Variants in CMTM4 observed in about 807,000 individuals in gnomAD.
CMTM4 encodes CKLF like MARVEL transmembrane domain containing 4.
A neutral mutation model predicts 19.0 loss-of-function variants in CMTM4; 8 were observed. The observed-to-expected ratio is 0.42, with a 90% CI of 0.25 to 0.76. CMTM4 has a LOEUF of 0.76. Among genes scored for constraint, CMTM4 ranks in the 30% least tolerant of loss-of-function variants. The probability of loss-of-function intolerance (pLI) is 0.27; values close to 1 mark genes in which losing one functional copy is unlikely to be tolerated. For synonymous variants in CMTM4, 106 were observed against 121.1 expected, an observed-to-expected ratio of 0.88 and a Z score of 0.82; for missense variants, 228 against 290.2, an observed-to-expected ratio of 0.79 and a Z score of 1.56.
chr16:66,633,701 C>G (rs1017718556), intron 2 of CMTM4, among the ~76,000 whole-genome samples: 14 of 151,726 alleles, frequency 9.2e-5, no homozygotes, highest in African/African-American at 3.4e-4. Flanking sequence ...GCCTGTAATC[C>G]CAGCTACTCA....
At chr16:66,644,197 C>G (rs767324707) in intron 1 of CMTM4, among the ~76,000 whole-genome samples, 3 of 152,198 alleles carry the variant, frequency 2.0e-5, no homozygotes, top group Non-Finnish European at 4.4e-5. Context: ...TTCCAACTCA[C>G]TGAAACAGCA....
Position 66,617,905 on chromosome 16 carries a change from AAAGAC to A in CMTM4, c.*4148_*4152del, listed in dbSNP as rs759749445. The A allele has an allele frequency of 3.0e-5, 30 of 988,464 alleles. No homozygotes were observed. The highest frequency in any genetic ancestry group is 3.4e-5 in the Non-Finnish European group (28 of 832,042). The allele number at this position is 988,464 out of a possible 1,614,324, so 61.2% of individuals were successfully genotyped here. ...GACTGTGGAACGCGAGACAGCTTTC[AAAGAC>A]AAGAGGACAGGAAGGCAGTTAACAA... On this transcript the variant is annotated 3_prime_UTR_variant, in exon 4 of 4. Coordinates refer to ENST00000394106, the MANE Select transcript of CMTM4 (RefSeq NM_181521.3).
In CMTM4 at chr16:66,695,016, T is replaced by G. The variant is rs968937720; in HGVS notation, c.186+1324A>C. Reference sequence around the variant, plus strand: ...TTATTTAAAGGGTATCCACACATTATATTATTCCCAAGGAATGCTTATGCA... The same window carrying G: ...TTATTTAAAGGGTATCCACACATTAGATTATTCCCAAGGAATGCTTATGCA... On this transcript the variant is annotated intron_variant, in intron 1 of 3. Coordinates refer to ENST00000394106, the MANE Select transcript of CMTM4 (RefSeq NM_181521.3). 6.8e-4 allele frequency among the ~76,000 whole-genome samples: 103 copies of G among 152,204 alleles called. 1 individual carries two copies. Among genetic ancestry groups the G allele is most frequent in the African/African-American group, 2.3e-3 (97 of 41,530 alleles).
intron 1 of CMTM4, among the ~76,000 whole-genome samples, chr16:66,689,383 T>G (rs1268588963): frequency 6.6e-6 from 1 of 152,196 alleles, no homozygotes; most frequent in Non-Finnish European, 1.5e-5. Flanking sequence ...TTTTTTTTTC[T>G]GCATCAAATG....
At chr16:66,602,873 T>C in the CMTM4 span, among the ~76,000 whole-genome samples, 1 of 152,142 alleles carries the variant, frequency 6.6e-6, no homozygotes, top group East Asian at 1.9e-4. Flanking sequence ...CCTTAGTACT[T>C]CCCGTTCACT....
intron 1 of CMTM4, among the ~76,000 whole-genome samples, chr16:66,681,533 T>C (rs1169555873): frequency 6.6e-6 from 1 of 152,156 alleles, no homozygotes; most frequent in Non-Finnish European, 1.5e-5. Context: ...ATTGATCTCC[T>C]GACCTTGGGA....
Position 66,621,635 on chromosome 16 carries a change from A to G in CMTM4, c.*423T>C, listed in dbSNP as rs1282049261. 2 of 1,004,408 alleles carry G rather than the reference A, an allele frequency of 2.0e-6. No homozygotes were observed. The highest frequency in any genetic ancestry group is 2.4e-6 in the Non-Finnish European group (2 of 840,104). 62.2% of individuals were successfully genotyped at this position (1,004,408 alleles called of 1,614,324 possible). ...GCACGCAGACTCAACACTGACTTGG[A>G]GCAGGTGGTGCCTAAGGCTGCCTGA... On this transcript the variant is annotated 3_prime_UTR_variant, in exon 4 of 4. Coordinates refer to ENST00000394106, the MANE Select transcript of CMTM4 (RefSeq NM_181521.3).
chr16:66,609,276 G>T, the CMTM4 span: 1 of 627,738 alleles, frequency 1.6e-6, no homozygotes. The surrounding 1 kb of genome is among the most constrained non-coding windows in gnomAD (Gnocchi z 4.4). Flanking sequence ...AGGCACCTCG[G>T]GGGTGGGACA....
intron 1 of CMTM4, among the ~76,000 whole-genome samples, chr16:66,652,475 T>C (rs2016327868): frequency 6.6e-6 from 1 of 152,220 alleles, no homozygotes. Context: ...TCAAGCGGGT[T>C]CTCTGTGTAA....
chr16:66,601,099 GTGTGTGTC>G, the CMTM4 span, among the ~76,000 whole-genome samples: 3 of 146,224 alleles, frequency 2.1e-5, no homozygotes, highest in East Asian at 5.9e-4. Flanking sequence ...GTGTGTGTGT[GTGTGTGTC>G]TGTGTGTGTG....
chr16:66,601,311 T>C, the CMTM4 span, among the ~76,000 whole-genome samples: 1 of 152,136 alleles, frequency 6.6e-6, no homozygotes, highest in African/African-American at 2.4e-5. Context: ...TACTGAGTGT[T>C]AGAAAGCTCA....
Position 66,620,505 on chromosome 16 carries a change from T to C in CMTM4, c.*1553A>G. The stretch of plus-strand genomic sequence containing the variant: ...CAGCAGTGTTGCCTGATCAACACTG[T>C]GAGCTCAGATGCTGTCCTTTTCTGG... On this transcript the variant is annotated 3_prime_UTR_variant, in exon 4 of 4. Coordinates refer to ENST00000394106, the MANE Select transcript of CMTM4 (RefSeq NM_181521.3). 1 of 985,484 alleles carries C rather than the reference T, an allele frequency of 1.0e-6. No homozygotes were observed. 61.0% of individuals were successfully genotyped at this position (985,484 alleles called of 1,614,324 possible).
Position 66,615,054 on chromosome 16 carries a change from C to T in CMTM4, c.*7004G>A, listed in dbSNP as rs950928116. 6 of 152,256 alleles carry T rather than the reference C, an allele frequency of 3.9e-5. No homozygotes were observed. Among genetic ancestry groups the T allele is most frequent in the Admixed American group, 3.3e-4 (5 of 15,286 alleles). The allele number at this position is 152,256 out of a possible 1,614,324, so 9.4% of individuals were successfully genotyped here. A position where few individuals can be genotyped will look rare whatever the true frequency, so the allele number is the denominator to read the frequency against. Reference sequence around the variant, plus strand: ...CCAGGCCAGCCAGGGGACGCCCACCCAGGGCTTCCACGTCAGCTGAAAAAC... The same window carrying T: ...CCAGGCCAGCCAGGGGACGCCCACCTAGGGCTTCCACGTCAGCTGAAAAAC... On this transcript the variant is annotated 3_prime_UTR_variant, in exon 4 of 4. Transcript: ENST00000394106. The surrounding 1 kb of genome is among the most constrained non-coding windows in gnomAD (Gnocchi z 4.9).
chr16:66,611,850 G>A (rs1374502704), downstream of CMTM4, among the ~76,000 whole-genome samples: 1 of 152,026 alleles, frequency 6.6e-6, no homozygotes, highest in African/African-American at 2.4e-5. Context: ...TTGGGGGAGG[G>A]GGATTGAAGA....
intron 2 of CMTM4, among the ~76,000 whole-genome samples, chr16:66,624,133 T>G (rs2015690781): frequency 6.6e-6 from 1 of 152,226 alleles, no homozygotes; most frequent in African/African-American, 2.4e-5. Context: ...ACCACCCATA[T>G]GACTTTGGAC....
At chr16:66,661,720 A>G (rs1319734140) in intron 1 of CMTM4, among the ~76,000 whole-genome samples, 1 of 152,164 alleles carries the variant, frequency 6.6e-6, no homozygotes, top group African/African-American at 2.4e-5. Flanking sequence ...ACCTGAGGTC[A>G]GAAGTTCAAG....
chr16:66,688,696 T>G (rs904308749), intron 1 of CMTM4, among the ~76,000 whole-genome samples: 6 of 152,198 alleles, frequency 3.9e-5, no homozygotes, highest in African/African-American at 1.2e-4. Context: ...TGCTAGGATT[T>G]TGGGATCGTA....
downstream of CMTM4, chr16:66,614,727 C>CA (rs1390282882): frequency 6.6e-6 from 1 of 152,232 alleles, no homozygotes; most frequent in African/African-American, 2.4e-5. This position sits in a 1 kb window ranked among gnomAD's most constrained non-coding sequence, Gnocchi z 4.9. Flanking sequence ...GGAGGCCACT[C>CA]AGAGTGAGGA....
At chr16:66,678,308 G>A (rs1213067020) in intron 1 of CMTM4, among the ~76,000 whole-genome samples, 1 of 152,230 alleles carries the variant, frequency 6.6e-6, no homozygotes, top group African/African-American at 2.4e-5. Context: ...TCTCAGGCTA[G>A]AGGAACAGAG....
Sources: allele counts gnomAD v4.1 joint callset (sites outside exome capture counted in the v4.1 genomes callset), GRCh38; gene constraint gnomAD v4.1.1; non-coding constraint Gnocchi (gnomAD v3.1); transcripts MANE v1.5; gene names NCBI Gene and HGNC (gene_info 2026-07-23, HGNC 2026-07-21).